DOCK1: variants seen among roughly 807,000 people sequenced by gnomAD.
DOCK1 encodes the protein dedicator of cytokinesis protein 1.
DOCK1 carries 138 observed loss-of-function variants against 262.7 expected under a neutral mutation model. The observed-to-expected ratio is 0.53, with a 90% CI of 0.46 to 0.61. The LOEUF is 0.61. DOCK1 is among the 20% of genes least tolerant of loss of function. The probability of loss-of-function intolerance (pLI) is 0.00; values close to 1 mark genes in which losing one functional copy is unlikely to be tolerated. For synonymous variants in DOCK1, 866 were observed against 867.4 expected (o/e 1.00, Z 0.03); for missense variants, 1,908 against 2,370.7 (o/e 0.80, Z 4.05).
At chr10:126,926,252 TTTC>T (rs2033713023) in intron 1 of DOCK1, among the ~76,000 whole-genome samples, 1 of 151,404 alleles carries the variant, frequency 6.6e-6, no homozygotes, top group African/African-American at 2.4e-5. Flanking sequence ...CTTTTCTTTC[TTTC>T]TTTTTTTTTT....
intron 31 of DOCK1, 68 bp from the exon 32 acceptor site, chr10:127,354,601 A>C: frequency 6.3e-7 from 1 of 1,596,298 alleles, no homozygotes; most frequent in Non-Finnish European, 8.6e-7. Context: ...GCACTTAAAA[A>C]TAATTCCAGT....
At chr10:126,927,112 G>T (rs763436801) in intron 1 of DOCK1, among the ~76,000 whole-genome samples, 1 of 152,154 alleles carries the variant, frequency 6.6e-6, no homozygotes, top group Non-Finnish European at 1.5e-5. Context: ...AGGAAATAAG[G>T]CTCAGAACAA....
chr10:127,210,668 AC>A (rs1426335442), intron 27 of DOCK1, among the ~76,000 whole-genome samples: 1 of 152,196 alleles, frequency 6.6e-6, no homozygotes, highest in Non-Finnish European at 1.5e-5. Context: ...GGTGCCAGGC[AC>A]ATAGCTGGTG....
chr10:127,183,278 A>G (rs1057306971), intron 27 of DOCK1, among the ~76,000 whole-genome samples: 2 of 152,100 alleles, frequency 1.3e-5, no homozygotes, highest in Admixed American at 1.3e-4. Context: ...AATGGTCACT[A>G]CAATGGAAGT....
chr10:126,996,600 C>G, intron 6 of DOCK1, 148 bp from the exon 7 acceptor site: 1 of 631,392 alleles, frequency 1.6e-6, no homozygotes, highest in Non-Finnish European at 2.4e-6. Flanking sequence ...AGAAAGCAGC[C>G]TCCAAGAATT....
intron 27 of DOCK1, among the ~76,000 whole-genome samples, chr10:127,242,641 GT>G (rs1157188641): frequency 1.3e-5 from 2 of 151,602 alleles, no homozygotes; most frequent in African/African-American, 4.8e-5. Context: ...TCACCATTAT[GT>G]TTTTTTTGTT....
chr10:127,073,644 A>G (rs556710787), intron 23 of DOCK1, among the ~76,000 whole-genome samples: 1 of 152,208 alleles, frequency 6.6e-6, no homozygotes, highest in Non-Finnish European at 1.5e-5. Flanking sequence ...ACACAGAGTG[A>G]CCGTCTCCCT....
intron 1 of DOCK1, among the ~76,000 whole-genome samples, chr10:126,953,559 A>T (rs920243779): frequency 1.3e-5 from 2 of 151,876 alleles, no homozygotes; most frequent in Non-Finnish European, 2.9e-5. Context: ...AGTATTGTTA[A>T]TCAGTGGTGA....
chr10:127,114,759 C>CTTTT (rs57979480), intron 25 of DOCK1, among the ~76,000 whole-genome samples: 1 of 108,304 alleles, frequency 9.2e-6, no homozygotes, highest in East Asian at 2.6e-4. Flanking sequence ...TTTTTTCTTT[C>CTTTT]TTTTTTTTTT....
chr10:126,915,418 C>CT (rs1461466334), intron 1 of DOCK1, among the ~76,000 whole-genome samples: 4 of 120,720 alleles, frequency 3.3e-5, no homozygotes, highest in Non-Finnish European at 7.1e-5. Context: ...GTGTCTTTTT[C>CT]TTTTTTGGGG....
chr10:127,357,806 A>G (rs940013434), intron 32 of DOCK1, among the ~76,000 whole-genome samples: 1 of 152,118 alleles, frequency 6.6e-6, no homozygotes, highest in Non-Finnish European at 1.5e-5. Context: ...AGGTGATCTT[A>G]AAAGCACCTG....
At position 127,092,169 on chromosome 10, in the gene DOCK1, C is replaced by G. The variant is rs79880218; in HGVS notation, c.2446-14062C>G. Reference sequence around the variant, plus strand: ...CATCACTGCGGAAAGTTCTGCTGGTCAGGTCTGGCTGGACCGTAGACACAG... The same window carrying G: ...CATCACTGCGGAAAGTTCTGCTGGTGAGGTCTGGCTGGACCGTAGACACAG... On this transcript the variant is annotated intron_variant, in intron 23 of 51. Coordinates refer to ENST00000623213, the MANE Select transcript of DOCK1 (RefSeq NM_001290223.2). Among the ~76,000 whole-genome samples, 637 of 152,304 alleles carry G rather than the reference C, an allele frequency of 4.2e-3. 8 individuals carry two copies. Among genetic ancestry groups the G allele is most frequent in the African/African-American group, 0.015 (607 of 41,566 alleles).
chr10:127,425,625 C>G (rs1271281062), intron 46 of DOCK1, among the ~76,000 whole-genome samples: 1 of 152,180 alleles, frequency 6.6e-6, no homozygotes, highest in Non-Finnish European at 1.5e-5. Context: ...TAAGTCTATT[C>G]TGGGAAATTA....
chr10:127,000,990 T>A (rs547167070), intron 10 of DOCK1: 1 of 153,454 alleles, frequency 6.5e-6, no homozygotes, highest in African/African-American at 2.4e-5. Flanking sequence ...AGACCAATTA[T>A]CTCTGTTGAG....
At chr10:126,941,659 G>A (rs2035010417) in intron 1 of DOCK1, among the ~76,000 whole-genome samples, 1 of 152,130 alleles carries the variant, frequency 6.6e-6, no homozygotes, top group East Asian at 1.9e-4. Context: ...GGAGGCTGAG[G>A]CAGGAGAATG....
chr10:127,264,838 G>T (rs963990401), intron 29 of DOCK1, among the ~76,000 whole-genome samples: 4 of 152,104 alleles, frequency 2.6e-5, no homozygotes, highest in Non-Finnish European at 5.9e-5. Context: ...TTTTTTGTGG[G>T]TTTATTTTCT....
At chr10:127,209,607 C>T (rs2057881076) in intron 27 of DOCK1, among the ~76,000 whole-genome samples, 2 of 152,174 alleles carry the variant, frequency 1.3e-5, no homozygotes, top group South Asian at 2.1e-4. Flanking sequence ...TCATCAAATC[C>T]ATTTTTCTTA....
At chr10:127,149,592 A>G (rs1056520070) in intron 27 of DOCK1, among the ~76,000 whole-genome samples, 3 of 152,136 alleles carry the variant, frequency 2.0e-5, no homozygotes, top group African/African-American at 4.8e-5. Flanking sequence ...GTGGATAGCT[A>G]TGCTGCTCGG....
At chr10:127,071,191 C>T (rs2046213162) in intron 23 of DOCK1, among the ~76,000 whole-genome samples, 1 of 152,126 alleles carries the variant, frequency 6.6e-6, no homozygotes, top group Admixed American at 6.5e-5. Context: ...TGGTCTGTGG[C>T]CCTGCAGAGG....
Sources: gnomAD v4.1 joint callset for allele counts (sites outside exome capture counted in the v4.1 genomes callset) on GRCh38, gnomAD v4.1.1 for gene constraint, MANE v1.5 for transcripts, NCBI Gene and HGNC (gene_info 2026-07-23, HGNC 2026-07-21) for gene names.